The following KIF27 variants were observed in gnomAD, a reference collection of about 807,000 sequenced individuals.
The protein encoded by KIF27 is kinesin family member 27.
A neutral mutation model predicts 141.8 loss-of-function variants in KIF27; 84 were observed. The observed-to-expected ratio is 0.59, with a 90% CI of 0.50 to 0.71. The LOEUF (loss-of-function observed/expected upper bound fraction) is 0.71. KIF27 is among the 30% of genes least tolerant of loss of function. The probability of loss-of-function intolerance (pLI) is 0.00; values close to 1 mark genes in which losing one functional copy is unlikely to be tolerated. For missense variants in KIF27, 1,306 were observed against 1,628.4 expected (o/e 0.80, Z 3.41); for synonymous variants, 471 against 569.5 (o/e 0.83, Z 2.46).
chr9:83,893,488 T>A (rs3119924), intron 5 of KIF27, among the ~76,000 whole-genome samples: 12 of 151,832 alleles, frequency 7.9e-5, no homozygotes, highest in Admixed American at 1.3e-4. Context: ...AAAAATTGAT[T>A]AAAGAAAAAT....
At chr9:83,877,470 T>A (rs1458945580) in intron 11 of KIF27, among the ~76,000 whole-genome samples, 1 of 152,126 alleles carries the variant, frequency 6.6e-6, no homozygotes, top group Non-Finnish European at 1.5e-5. Context: ...TGCAAAAGAA[T>A]AAATGTGGAC....
intron 12 of KIF27, 123 bp downstream of exon 12, chr9:83,870,396 A>G: frequency 1.4e-6 from 2 of 1,382,396 alleles, no homozygotes; most frequent in Non-Finnish European, 2.0e-6. Flanking sequence ...TGAACTCCTG[A>G]CCGCAGGTGA....
Position 83,835,773 on chromosome 9 carries a change from C to A in KIF27, c.*1228G>T, listed in dbSNP as rs1201812959. On this transcript the variant is annotated 3_prime_UTR_variant, in exon 18 of 18. Transcript: ENST00000297814. ...GAAGTGGGTGACTCTGAGTAAGCAT[C>A]CATGTCAGGATGGTTTTGCTACAGC... 4 of 152,254 alleles carry A rather than the reference C, an allele frequency of 2.6e-5. No homozygotes were observed. In the East Asian group the frequency reaches 7.7e-4, roughly 29 times the overall value. 9.4% of individuals were successfully genotyped at this position (152,254 alleles called of 1,614,324 possible).
rs1485295512 is a variant in KIF27, at chr9:83,887,197, C to T, written c.2084-1G>A. The T allele has an allele frequency of 2.0e-6, 3 of 1,467,694 alleles. No homozygotes were observed. The allele number at this position is 1,467,694 out of a possible 1,614,324, so 90.9% of individuals were successfully genotyped here. ...TCCTGGAGACAATCAATCTTTAAAT[C>T]TTTAAAAAAAAATGGAGAAATAAAA... is the stretch of plus-strand genomic sequence containing the variant. On this transcript the variant is annotated splice_acceptor_variant, in intron 8 of 17. Transcript: ENST00000297814. LOFTEE classifies it high-confidence loss of function.
rs1945747493 is a variant in KIF27, at chr9:83,835,667, T to C, written c.*1334A>G. On this transcript the variant is annotated 3_prime_UTR_variant, in exon 18 of 18. Transcript: ENST00000297814. ...ACAGTTTGGGTCCTATGTGAGATGA[T>C]CAAATCCACAGCAACAGAGGAAAGG... The C allele has an allele frequency of 6.6e-6, 1 of 152,024 alleles. No homozygotes were observed. The highest frequency in any genetic ancestry group is 2.4e-5 in the African/African-American group (1 of 41,368). 9.4% of individuals were successfully genotyped at this position (152,024 alleles called of 1,614,324 possible). A position where few individuals can be genotyped will look rare whatever the true frequency, so the allele number is the denominator to read the frequency against.
Position 83,842,351 on chromosome 9 carries a change from T to C in KIF27, c.3607A>G (p.Ile1203Val). 6.5e-7 allele frequency: 1 copy of C among 1,550,158 alleles called. No homozygotes were observed. Among genetic ancestry groups the C allele is most frequent in the Non-Finnish European group, 8.6e-7 (1 of 1,156,090 alleles). Residue 1203 changes from isoleucine (I) to valine (V), a missense_variant, in exon 17 of 18, where the codon ATC becomes GTC. Physicochemically the swap from Ile to Val is conservative, Grantham distance 29. Transcript: ENST00000297814. ...TAAAGATCTTTTTCCAACTGCTGGA[T>C]TTTATCTTCATATGTTTTGAAAGTT... is the stretch of plus-strand genomic sequence containing the variant. ...METFKTYEDK[I>V]QQLEKDLYFY...
chr9:83,872,117 A>G (rs1412392962), intron 11 of KIF27, among the ~76,000 whole-genome samples: 3 of 151,184 alleles, frequency 2.0e-5, no homozygotes, highest in Non-Finnish European at 3.0e-5. Flanking sequence ...TGAGGTCAGG[A>G]GTTCAAGACC....
chr9:83,888,604 A>T lies in KIF27; in HGVS notation c.1980-12T>A. ...AACGACTTCTACATCTTAAAAAAAA[A>T]TCAGAAAGTTAACTTATTTGTTCGT... On this transcript the variant is annotated splice_polypyrimidine_tract_variant and intron_variant, in intron 7 of 17. Coordinates refer to ENST00000297814, the MANE Select transcript of KIF27 (RefSeq NM_017576.4). 3 of 1,468,910 alleles carry T rather than the reference A, an allele frequency of 2.0e-6. No homozygotes were observed. The highest frequency in any genetic ancestry group is 1.2e-5 in the South Asian group (1 of 81,438). The allele number at this position is 1,468,910 out of a possible 1,614,324, so 91.0% of individuals were successfully genotyped here.
intron 10 of KIF27, among the ~76,000 whole-genome samples, chr9:83,882,299 C>G (rs1376901000): frequency 6.6e-6 from 1 of 152,018 alleles, no homozygotes; most frequent in Non-Finnish European, 1.5e-5. Context: ...GAGGAGGCAA[C>G]TGCAGTGGGC....
intron 16 of KIF27, chr9:83,848,036 T>TCTACATATATG (rs1564282446): frequency 9.3e-5 from 10 of 107,562 alleles, no homozygotes; most frequent in East Asian, 4.6e-4. Context: ...TCTATATCTA[T>TCTACATATATG]ATATATCTAC....
intron 4 of KIF27, among the ~76,000 whole-genome samples, chr9:83,902,336 G>A (rs1406407596): frequency 2.0e-5 from 3 of 152,134 alleles, no homozygotes; most frequent in African/African-American, 7.2e-5. Flanking sequence ...ACAACTGAAG[G>A]ACCATTCATT....
At chr9:83,908,924 T>C (rs1370514060) in intron 2 of KIF27, among the ~76,000 whole-genome samples, 1 of 152,140 alleles carries the variant, frequency 6.6e-6, no homozygotes, top group Non-Finnish European at 1.5e-5. Context: ...CAGGCTATTA[T>C]AACTCTTTTA....
At chr9:83,849,426 C>T (rs1295852336) in intron 16 of KIF27, 10 of 152,190 alleles carry the variant, frequency 6.6e-5, no homozygotes, top group Admixed American at 6.5e-4. Context: ...TCATGAGAAT[C>T]AAGACTAAGC....
chr9:83,915,225 C>T, intron 2 of KIF27, 69 bp downstream of exon 2: 2 of 1,250,318 alleles, frequency 1.6e-6, no homozygotes, highest in South Asian at 3.0e-5. Context: ...TACCATGTGT[C>T]AGGTATTGGT....
chr9:83,902,389 G>A (rs1470210728), intron 4 of KIF27, among the ~76,000 whole-genome samples: 1 of 152,090 alleles, frequency 6.6e-6, no homozygotes, highest in African/African-American at 2.4e-5. Flanking sequence ...GCAGTAACTA[G>A]GTGTGTCCTG....
At chr9:83,910,672 G>A (rs1044587684) in intron 2 of KIF27, among the ~76,000 whole-genome samples, 1 of 152,128 alleles carries the variant, frequency 6.6e-6, no homozygotes, top group African/African-American at 2.4e-5. Context: ...CAAGAATGAG[G>A]AAAGAAACAT....
chr9:83,852,473 TCTATGTCAAAGCACTCCA>T (rs1948721449), intron 15 of KIF27, among the ~76,000 whole-genome samples: 2 of 150,360 alleles, frequency 1.3e-5, no homozygotes, highest in South Asian at 4.2e-4. Flanking sequence ...AAAAAAGTTA[TCTATGTCAAAGCACTCCA>T]CTATCTTTCT....
In KIF27 at chr9:83,835,144, T is replaced by C. The variant is rs1370135136; in HGVS notation, c.*1857A>G. On this transcript the variant is annotated 3_prime_UTR_variant, in exon 18 of 18. Coordinates refer to ENST00000297814, the MANE Select transcript of KIF27 (RefSeq NM_017576.4). ...ATGGAAATACAAACACATTTCCTTA[T>C]ATACTTGTATATGTACAAGTGTATA... 2.7e-5 allele frequency among the ~76,000 whole-genome samples: 4 copies of C among 150,028 alleles called. No homozygotes were observed. The South Asian group carries it at 8.3e-4, about 31-fold the overall frequency.
intron 9 of KIF27, among the ~76,000 whole-genome samples, chr9:83,884,340 T>G (rs897602838): frequency 2.0e-5 from 3 of 151,922 alleles, no homozygotes; most frequent in Non-Finnish European, 4.4e-5. Flanking sequence ...AGAAGGATAT[T>G]TGGAGTGACT....
Sources: gnomAD v4.1 joint callset for allele counts (sites outside exome capture counted in the v4.1 genomes callset) on GRCh38, gnomAD v4.1.1 for gene constraint, MANE v1.5 for transcripts, NCBI Gene and HGNC (gene_info 2026-07-23, HGNC 2026-07-21) for gene names.